CPEB1: variants seen among roughly 807,000 people sequenced by gnomAD.
CPEB1 encodes cytoplasmic polyadenylation element binding protein 1.
CPEB1 carries 7 observed loss-of-function variants against 65.8 expected under a neutral mutation model. The ratio of observed to expected loss-of-function variants is 0.11; its 90% CI spans 0.06 to 0.20. The LOEUF (loss-of-function observed/expected upper bound fraction) is 0.20. CPEB1 is among the 10% of genes least tolerant of loss of function. The pLI is 1.00. For missense variants in CPEB1, 551 were observed against 712.2 expected (o/e 0.77, Z 2.58); for synonymous variants, 262 against 260.0 (o/e 1.01, Z -0.08).
At chr15:82,571,679 C>A in intron 3 of CPEB1, 147 bp from the exon 4 acceptor site, 1 of 1,443,440 alleles carries the variant, frequency 6.9e-7, no homozygotes, top group Non-Finnish European at 9.1e-7. Context: ...GCTGCCTCTG[C>A]ACTTTTGGGG....
intron 3 of CPEB1, among the ~76,000 whole-genome samples, chr15:82,580,849 C>CTTTTTTTTT (rs113794355): frequency 6.8e-6 from 1 of 147,230 alleles, no homozygotes. Flanking sequence ...TCCCCAATTT[C>CTTTTTTTTT]TTTTTTTTTT....
intron 10 of CPEB1, among the ~76,000 whole-genome samples, chr15:82,548,327 C>A (rs1159134847): frequency 6.6e-6 from 1 of 151,866 alleles, no homozygotes; most frequent in Non-Finnish European, 1.5e-5. Context: ...GAGTGAGACT[C>A]CATCTCAAAA....
At chr15:82,604,863 G>A (rs1171770420) in intron 3 of CPEB1, among the ~76,000 whole-genome samples, 1 of 152,042 alleles carries the variant, frequency 6.6e-6, no homozygotes, top group Non-Finnish European at 1.5e-5. Context: ...GGCAGAAAAC[G>A]TTGATGAAAA....
At chr15:82,573,016 G>T in intron 3 of CPEB1, 1 of 1,531,190 alleles carries the variant, frequency 6.5e-7, no homozygotes, top group Non-Finnish European at 8.7e-7. Context: ...GCTCAAACCT[G>T]GACTCAGCTG....
intron 3 of CPEB1, among the ~76,000 whole-genome samples, chr15:82,618,642 T>C (rs2044994134): frequency 6.6e-6 from 1 of 152,180 alleles, no homozygotes; most frequent in Admixed American, 6.5e-5. Context: ...TATCTACTTC[T>C]GGAGCCAACA....
In CPEB1 at chr15:82,544,685, G is replaced by C; in HGVS notation, c.1674C>G (p.Phe558Leu). Residue 558 changes from phenylalanine to leucine, a missense_variant, in exon 13 of 13, where the codon TTC becomes TTG. Physicochemically the swap from Phe to Leu is conservative, Grantham distance 22. Coordinates refer to ENST00000684509, the MANE Select transcript of CPEB1 (RefSeq NM_001365242.1). ...GCCGCCAGTGCCAGCAGCTCCGGCA[G>C]AAGTATTTGAAGCAGACCTGGGTTG... Reference protein sequence around the residue: ...FCRDQVCFKYFCRSCWHWRHS... With the variant: ...FCRDQVCFKYLCRSCWHWRHS... The C allele has an allele frequency of 6.2e-7, 1 of 1,613,366 alleles. No homozygotes were observed. Among genetic ancestry groups the C allele is most frequent in the Non-Finnish European group, 8.5e-7 (1 of 1,179,774 alleles).
At chr15:82,548,107 T>A (rs2035590887) in intron 10 of CPEB1, among the ~76,000 whole-genome samples, 1 of 152,046 alleles carries the variant, frequency 6.6e-6, no homozygotes. Flanking sequence ...GAGGCCAAGG[T>A]GGGCGGATCA....
chr15:82,617,471 C>T (rs1301408912), intron 3 of CPEB1, among the ~76,000 whole-genome samples: 1 of 152,164 alleles, frequency 6.6e-6, no homozygotes, highest in African/African-American at 2.4e-5. Context: ...CTGCCACAGT[C>T]TGGAGGAGCC....
At chr15:82,626,483 C>G (rs1279869385) in intron 3 of CPEB1, among the ~76,000 whole-genome samples, 1 of 152,038 alleles carries the variant, frequency 6.6e-6, no homozygotes, top group African/African-American at 2.4e-5. Context: ...AAATAAATAA[C>G]TCAAACCCAG....
At chr15:82,610,088 ATAAT>A (rs2043987161) in intron 3 of CPEB1, among the ~76,000 whole-genome samples, 2 of 151,878 alleles carry the variant, frequency 1.3e-5, no homozygotes, top group East Asian at 1.9e-4. Flanking sequence ...ATTACTATGA[ATAAT>A]TATATGCCTG....
upstream of CPEB1, chr15:82,647,647 C>T (rs912333524): frequency 2.3e-4 from 81 of 358,220 alleles, 1 homozygote; most frequent in African/African-American, 1.6e-3. Flanking sequence ...CCCAAAGGCC[C>T]TGAGTCACGA....
At position 82,544,648 on chromosome 15, in the gene CPEB1, C is replaced by T; in HGVS notation, c.1711G>A (p.Gly571Ser). 1.2e-6 allele frequency: 2 copies of T among 1,613,364 alleles called. No homozygotes were observed. Among genetic ancestry groups the T allele is most frequent in the Non-Finnish European group, 1.7e-6 (2 of 1,179,842 alleles). The part of the protein sequence containing the change: ...SCWHWRHSME[G>S]LRHHSPLMRN... ...ATCAGGGGGCTGTGGTGGCGCAGGC[C>T]CTCCATGCTGTGCCGCCAGTGCCAG... Residue 571 changes from glycine (G) to serine (S), a missense_variant, in exon 13 of 13, where the codon GGC becomes AGC. By Grantham distance (56) the Gly-to-Ser change is moderately conservative (BLOSUM62 0). Coordinates refer to ENST00000684509, the MANE Select transcript of CPEB1 (RefSeq NM_001365242.1).
In CPEB1 at chr15:82,614,404, A is replaced by G. The variant is rs2044488310; in HGVS notation, c.271+12789T>C. Among the ~76,000 whole-genome samples, 3 of 152,332 alleles carry G rather than the reference A, an allele frequency of 2.0e-5. No individual in the cohort carries two copies. In the South Asian group the frequency reaches 6.2e-4, roughly 32 times the overall value. On this transcript the variant is annotated intron_variant, in intron 3 of 12. Coordinates refer to ENST00000684509, the MANE Select transcript of CPEB1 (RefSeq NM_001365242.1). ...TTTTATGCAAGTTTCCATATATTCT[A>G]TGTTTAACAATTTGGAAAAGTCCAT... is the stretch of plus-strand genomic sequence containing the variant.
At chr15:82,586,775 C>G (rs973666970) in intron 3 of CPEB1, among the ~76,000 whole-genome samples, 2 of 152,142 alleles carry the variant, frequency 1.3e-5, no homozygotes, top group Non-Finnish European at 2.9e-5. Flanking sequence ...CTATACTTAG[C>G]GACATGGAAT....
chr15:82,581,005 C>G (rs1326781503), intron 3 of CPEB1, among the ~76,000 whole-genome samples: 3 of 152,120 alleles, frequency 2.0e-5, no homozygotes, highest in Non-Finnish European at 4.4e-5. Flanking sequence ...GTGCATGTCA[C>G]CAGCCTGGCT....
chr15:82,589,783 T>A (rs2042073010), intron 3 of CPEB1, among the ~76,000 whole-genome samples: 2 of 152,138 alleles, frequency 1.3e-5, no homozygotes, highest in Admixed American at 1.3e-4. Flanking sequence ...CATCTTTGGA[T>A]TCAACCAACC....
intron 3 of CPEB1, among the ~76,000 whole-genome samples, chr15:82,575,825 G>A (rs980831025): frequency 2.0e-5 from 3 of 151,780 alleles, no homozygotes; most frequent in African/African-American, 4.8e-5. Context: ...CTTCATTACC[G>A]TAAATGGTAC....
chr15:82,628,627 TCAGA>T (rs1240931611), intron 1 of CPEB1, 71 bp from the exon 2 acceptor site: 13 of 594,586 alleles, frequency 2.2e-5, no homozygotes, highest in Non-Finnish European at 3.6e-5. Context: ...AAGCAAAAAG[TCAGA>T]CAGAAATTAT....
intron 3 of CPEB1, among the ~76,000 whole-genome samples, chr15:82,614,748 A>T (rs372806954): frequency 1.3e-5 from 2 of 148,270 alleles, no homozygotes; most frequent in African/African-American, 5.3e-5. Context: ...GAAAGAAAGA[A>T]ACGAAACGAA....
Sources: gnomAD v4.1 joint callset for allele counts (sites outside exome capture counted in the v4.1 genomes callset) on GRCh38, gnomAD v4.1.1 for gene constraint, MANE v1.5 for transcripts, NCBI Gene and HGNC (gene_info 2026-07-23, HGNC 2026-07-21) for gene names.